Variants in HTT observed in about 807,000 individuals in gnomAD.
The protein encoded by HTT is huntington disease protein.
HTT carries 104 observed loss-of-function variants against 362.3 expected under a neutral mutation model. The ratio of observed to expected loss-of-function variants is 0.29; its 90% CI spans 0.24 to 0.34. HTT has a LOEUF of 0.34. Among genes scored for constraint, HTT ranks in the 10% least tolerant of loss-of-function variants. HTT has a pLI of 1.00. For synonymous variants in HTT, 1,577 were observed against 1,548.7 expected (o/e 1.02, Z -0.43); for missense variants, 3,301 against 3,928.6 (o/e 0.84, Z 4.27).
intron 2 of HTT, among the ~76,000 whole-genome samples, chr4:3,097,224 G>T (rs1483291934): frequency 6.6e-6 from 1 of 152,090 alleles, no homozygotes; most frequent in Non-Finnish European, 1.5e-5. Context: ...CCAAAAGCTG[G>T]TTCATCAAGA....
intron 2 of HTT, 80 bp from the exon 3 acceptor site, chr4:3,099,194 G>T: frequency 1.1e-6 from 1 of 907,072 alleles, no homozygotes. Flanking sequence ...ATTCCATGCA[G>T]GACACCGGAT....
intron 8 of HTT, among the ~76,000 whole-genome samples, chr4:3,120,072 A>G (rs1372113855): frequency 6.6e-6 from 1 of 152,208 alleles, no homozygotes; most frequent in Non-Finnish European, 1.5e-5. Context: ...CCTGGGATTC[A>G]GGGGTATAGA....
chr4:3,181,206 C>T (rs1578566500), intron 36 of HTT, among the ~76,000 whole-genome samples: 1 of 152,194 alleles, frequency 6.6e-6, no homozygotes, highest in African/African-American at 2.4e-5. Context: ...AAAGTGGGCA[C>T]AGCCACAGGA....
At chr4:3,239,705 G>C (rs1442075828) in intron 66 of HTT, 141 bp from the exon 67 acceptor site, 7 of 644,324 alleles carry the variant, frequency 1.1e-5, no homozygotes. Flanking sequence ...GAGGCATCCA[G>C]GTGGCCCTTC....
At chr4:3,217,416 G>A (rs1448503330) in intron 51 of HTT, among the ~76,000 whole-genome samples, 1 of 152,198 alleles carries the variant, frequency 6.6e-6, no homozygotes, top group Non-Finnish European at 1.5e-5. Context: ...AGAGAAAGAC[G>A]AGGGGCAGAG....
chr4:3,213,072 A>C, intron 49 of HTT: 1 of 229,366 alleles, frequency 4.4e-6, no homozygotes, highest in Non-Finnish European at 8.7e-6. Flanking sequence ...AGTGCTTGTA[A>C]TTCGCCCCCA....
chr4:3,173,674 T>C lies in HTT; in HGVS notation c.4166+543T>C, dbSNP rs1378695561. Among the ~76,000 whole-genome samples, 4 of 104,334 alleles carry C rather than the reference T, an allele frequency of 3.8e-5. No individual in the cohort carries two copies. The East Asian group carries it at 5.9e-4, about 15-fold the overall frequency. The allele number at this position is 104,334 out of a possible 152,430, so 68.4% of individuals were successfully genotyped here. On this transcript the variant is annotated intron_variant, in intron 31 of 66. Coordinates refer to ENST00000355072, the MANE Select transcript of HTT (RefSeq NM_001388492.1). ...GAAGTCTCTTTTCACTTAAATTTGTTTTTTTTTTTTTTGAGACGGAGTCTT... is the reference window on the plus strand; with the variant it reads ...GAAGTCTCTTTTCACTTAAATTTGTCTTTTTTTTTTTTGAGACGGAGTCTT...
intron 6 of HTT, among the ~76,000 whole-genome samples, chr4:3,114,523 T>C (rs1714925094): frequency 6.6e-6 from 1 of 152,250 alleles, no homozygotes; most frequent in South Asian, 2.1e-4. Context: ...AGTTTACTGC[T>C]TATTTGCCCA....
chr4:3,160,667 G>A (rs199543269), intron 29 of HTT, among the ~76,000 whole-genome samples: 2 of 152,128 alleles, frequency 1.3e-5, no homozygotes, highest in Non-Finnish European at 2.9e-5. Flanking sequence ...AAATGTGTTT[G>A]TAGAGTCCTT....
At position 3,074,846 on chromosome 4, in the gene HTT, G is replaced by A. The variant is rs1712381072; in HGVS notation, c.21G>A (p.Leu7=). 1 of 1,512,244 alleles carries A rather than the reference G, an allele frequency of 6.6e-7. No individual in the cohort carries two copies. Among genetic ancestry groups the A allele is most frequent in the Non-Finnish European group, 8.8e-7 (1 of 1,134,226 alleles). The allele number at this position is 1,512,244 out of a possible 1,614,324, so 93.7% of individuals were successfully genotyped here. A position where few individuals can be genotyped will look rare whatever the true frequency, so the allele number is the denominator to read the frequency against. Residue 7 remains leucine, a synonymous_variant, in exon 1 of 67, where the codon CTG becomes CTA. Coordinates refer to ENST00000355072, the MANE Select transcript of HTT (RefSeq NM_001388492.1). MATLEK[L]MKAFESLKSF... The stretch of plus-strand genomic sequence containing the variant: ...CCGCCATGGCGACCCTGGAAAAGCT[G>A]ATGAAGGCCTTCGAGTCCCTCAAGT...
intron 14 of HTT, 47 bp from the exon 15 acceptor site, chr4:3,131,239 T>G: frequency 7.7e-7 from 1 of 1,305,656 alleles, no homozygotes; most frequent in Non-Finnish European, 1.1e-6. Context: ...AATGCATGAA[T>G]GTATTGTTGA....
chr4:3,201,196 T>C (rs1231668743), intron 41 of HTT, among the ~76,000 whole-genome samples: 1 of 152,250 alleles, frequency 6.6e-6, no homozygotes, highest in East Asian at 1.9e-4. Context: ...TTTTCCTTTA[T>C]AACCTTCTGT....
Position 3,199,927 on chromosome 4 carries a change from A to G in HTT, c.5564A>G (p.Gln1855Arg). The change falls in exon 41 of 67, where the codon CAG becomes CGG. Residue 1855 changes from glutamine (Q) to arginine (R), a missense_variant. Coordinates refer to ENST00000355072, the MANE Select transcript of HTT (RefSeq NM_001388492.1). Reference sequence around the variant, plus strand: ...GACTACCGCTGGTGGGCAGAAGTGCAGCAGACCCCGAAGTAGGTTCATAAT... The same window carrying G: ...GACTACCGCTGGTGGGCAGAAGTGCGGCAGACCCCGAAGTAGGTTCATAAT... The part of the protein sequence containing the change: ...HTDYRWWAEV[Q>R]QTPKRHSLSS... 1 of 1,613,414 alleles carries G rather than the reference A, an allele frequency of 6.2e-7. No homozygotes were observed. The highest frequency in any genetic ancestry group is 8.5e-7 in the Non-Finnish European group (1 of 1,179,646).
chr4:3,094,705 C>T (rs1578492799), intron 2 of HTT, among the ~76,000 whole-genome samples: 3 of 124,082 alleles, frequency 2.4e-5, no homozygotes, highest in Middle Eastern at 9.4e-3. Context: ...GCTGGCCGGG[C>T]GGGGGCTGCC....
intron 47 of HTT, among the ~76,000 whole-genome samples, chr4:3,211,365 A>G (rs1419229118): frequency 6.6e-6 from 1 of 152,228 alleles, no homozygotes; most frequent in Admixed American, 6.5e-5. Context: ...GGCATTCATG[A>G]TGCTTTTCTG....
Position 3,195,682 on chromosome 4 carries a change from A to G in HTT, c.5369-4050A>G, listed in dbSNP as rs140078705. Among the ~76,000 whole-genome samples the G allele has an allele frequency of 1.7e-3, 263 of 152,108 alleles. 2 individuals are homozygous for G. Among genetic ancestry groups the G allele is most frequent in the Admixed American group, 3.0e-3 (46 of 15,274 alleles). On this transcript the variant is annotated intron_variant, in intron 40 of 66. Coordinates refer to ENST00000355072, the MANE Select transcript of HTT (RefSeq NM_001388492.1). The stretch of plus-strand genomic sequence containing the variant: ...CTGTAACAAATAAACCAACATTTCC[A>G]TGGCTTCACACCAGAGAAGGTTGTT...
At position 3,228,857 on chromosome 4, in the gene HTT, T is replaced by C. The variant is rs758732995; in HGVS notation, c.7980-23T>C. On this transcript the variant is annotated intron_variant, in intron 58 of 66. Coordinates refer to ENST00000355072, the MANE Select transcript of HTT (RefSeq NM_001388492.1). This position sits in a 1 kb window ranked among gnomAD's most constrained non-coding sequence, Gnocchi z 4.3. The stretch of plus-strand genomic sequence containing the variant: ...CCTCTCATCTCATGTACTTGGAAAA[T>C]ACCCATCTCGCATATTCCACAGGAA... The C allele has an allele frequency of 1.9e-6, 3 of 1,601,406 alleles. No individual in the cohort carries two copies. The highest frequency in any genetic ancestry group is 2.2e-5 in the East Asian group (1 of 44,510).
intron 10 of HTT, 63 bp downstream of exon 10, chr4:3,122,999 T>C (rs982036620): frequency 7.6e-7 from 1 of 1,311,594 alleles, no homozygotes; most frequent in South Asian, 1.2e-5. Context: ...ATTTCTGTAA[T>C]GTAATGTATC....
chr4:3,221,003 T>A lies in HTT; in HGVS notation c.7369+695T>A, dbSNP rs900245377. 7.9e-5 allele frequency among the ~76,000 whole-genome samples: 12 copies of A among 152,300 alleles called. No individual in the cohort carries two copies. In the East Asian group the frequency reaches 1.4e-3, roughly 17 times the overall value. ...AGTGTCTAAATGAATAAGTCACCAC[T>A]TTTGCCCCTATTTGATGGCAAGAGG... On this transcript the variant is annotated intron_variant, in intron 53 of 66. Transcript: ENST00000355072.
Sources: gnomAD v4.1 joint callset for allele counts (sites outside exome capture counted in the v4.1 genomes callset) on GRCh38, gnomAD v4.1.1 for gene constraint, Gnocchi (gnomAD v3.1) non-coding constraint, MANE v1.5 for transcripts, NCBI Gene and HGNC (gene_info 2026-07-23, HGNC 2026-07-21) for gene names.